The following CHRNA10 variants were observed in gnomAD, a reference collection of about 807,000 sequenced individuals.
CHRNA10 encodes cholinergic receptor nicotinic alpha 10 subunit.
In CHRNA10, 31 loss-of-function variants were observed where a neutral mutation model predicts 36.0. That is an observed-to-expected ratio of 0.86 (90% confidence interval 0.65 to 1.16). The LOEUF (loss-of-function observed/expected upper bound fraction) is 1.16. CHRNA10 is among the 50% of genes most tolerant of loss of function. CHRNA10 has a pLI of 0.00. For synonymous variants in CHRNA10, 302 were observed against 287.0 expected, an observed-to-expected ratio of 1.05 and a Z score of -0.53; for missense variants, 648 against 640.9, an observed-to-expected ratio of 1.01 and a Z score of -0.12.
rs759444353 is a variant in CHRNA10, at chr11:3,669,831, T to C, written c.172A>G (p.Thr58Ala). Residue 58 changes from threonine (T) to alanine (A), a missense_variant, in exon 2 of 5, where the codon ACC becomes GCC. Transcript: ENST00000250699. ...VADTDQTLNV[T>A]LEVTLSQIID... Reference sequence around the variant, plus strand: ...ATCTGGGACAGTGTCACCTCCAGGGTCACATTCAGAGTCTGGTCTGTGTCT... The same window carrying C: ...ATCTGGGACAGTGTCACCTCCAGGGCCACATTCAGAGTCTGGTCTGTGTCT... 6.2e-7 allele frequency: 1 copy of C among 1,614,066 alleles called. No individual in the cohort carries two copies. Among genetic ancestry groups the C allele is most frequent in the Non-Finnish European group, 8.5e-7 (1 of 1,180,006 alleles).
rs563761517 is a variant in CHRNA10 at position 3,669,516 on chromosome 11, TTC to T, written c.208-168_208-167del. Among the ~76,000 whole-genome samples the T allele has an allele frequency of 1.5e-3, 212 of 144,064 alleles. 3 individuals are homozygous for T. The highest frequency in any genetic ancestry group is 2.3e-4 in the Non-Finnish European group (15 of 65,812). 94.5% of individuals were successfully genotyped at this position (144,064 alleles called of 152,430 possible). ...CTTGCCATGTGACCTTAGTGGGCTC[TTC>T]TCTTTTCTGCCCCTGTTTCCTCAGC... On this transcript the variant is annotated intron_variant, in intron 2 of 4. Transcript: ENST00000250699.
In CHRNA10 at chr11:3,667,348, A is replaced by T; in HGVS notation, c.779T>A (p.Leu260Gln). 6.2e-7 allele frequency: 1 copy of T among 1,601,304 alleles called. No individual in the cohort carries two copies. Among genetic ancestry groups the T allele is most frequent in the Non-Finnish European group, 8.5e-7 (1 of 1,178,652 alleles). The change falls in exon 4 of 5, where the codon CTG becomes CAG. Residue 260 changes from leucine (L) to glutamine (Q), a missense_variant. Physicochemically the swap from Leu to Gln is moderately radical, Grantham distance 113. Coordinates refer to ENST00000250699, the MANE Select transcript of CHRNA10 (RefSeq NM_020402.4). ...ISLLAPLAFH[L>Q]PADSGEKVSL... is the part of the protein sequence containing the mutation. ...CACCTTCTCGCCTGAGTCGGCAGGC[A>T]GGTGGAAGGCGAGCGGCGCAAGCAG... is the stretch of plus-strand genomic sequence containing the variant.
At position 3,666,042 on chromosome 11, in the gene CHRNA10, G is replaced by A; in HGVS notation, c.*65C>T. The A allele has an allele frequency of 7.1e-7, 1 of 1,405,324 alleles. No individual in the cohort carries two copies. Among genetic ancestry groups the A allele is most frequent in the Non-Finnish European group, 9.5e-7 (1 of 1,054,866 alleles). 87.1% of individuals were successfully genotyped at this position (1,405,324 alleles called of 1,614,324 possible). A position where few individuals can be genotyped will look rare whatever the true frequency, so the allele number is the denominator to read the frequency against. ...TGGCCCAAAGACCAGCAACCACTTG[G>A]CCGTGGCTGTCCCTTTCTGGAGGAG... On this transcript the variant is annotated 3_prime_UTR_variant, in exon 5 of 5. Transcript: ENST00000250699.
At chr11:3,667,055 G>C (rs1210807316) in intron 4 of CHRNA10, among the ~76,000 whole-genome samples, 177 bp downstream of exon 4, 3 of 152,198 alleles carry the variant, frequency 2.0e-5, no homozygotes, top group Non-Finnish European at 4.4e-5. Flanking sequence ...CGTGAGGGGT[G>C]TTCTCCCTGG....
chr11:3,670,040 T>G (rs2077702846), intron 1 of CHRNA10, 99 bp from the exon 2 acceptor site: 2 of 1,340,394 alleles, frequency 1.5e-6, no homozygotes, highest in South Asian at 1.2e-5. Flanking sequence ...TCCTTATGAG[T>G]GTCCTCCTGG....
intron 3 of CHRNA10, chr11:3,668,546 T>C (rs1489507768): frequency 2.6e-5 from 4 of 152,146 alleles, no homozygotes; most frequent in African/African-American, 7.2e-5. Flanking sequence ...TGTTTTTTTT[T>C]CGTTAATTTG....
In CHRNA10 at chr11:3,669,230, G is replaced by C; in HGVS notation, c.328C>G (p.Leu110Val). 4 of 1,614,004 alleles carry C rather than the reference G, an allele frequency of 2.5e-6. No individual in the cohort carries two copies. The highest frequency in any genetic ancestry group is 2.5e-6 in the Non-Finnish European group (3 of 1,179,964). The change falls in exon 3 of 5, where the codon CTT becomes GTT. Residue 110 changes from leucine to valine, a missense_variant. Leu to Val is a conservative substitution (Grantham distance 32). Transcript: ENST00000250699. ...AGTACGATGTCTGGCCGCCACACAA[G>C]ACTGCTGGGGATGCGGATGGCATCC... ...GLDAIRIPSS[L>V]VWRPDIVLYN...
chr11:3,666,053 C>G lies in CHRNA10; in HGVS notation c.*54G>C, dbSNP rs1169539523. On this transcript the variant is annotated 3_prime_UTR_variant, in exon 5 of 5. Coordinates refer to ENST00000250699, the MANE Select transcript of CHRNA10 (RefSeq NM_020402.4). Reference sequence around the variant, plus strand: ...CCAGCAACCACTTGGCCGTGGCTGTCCCTTTCTGGAGGAGCTGTGGCTGCA... The same window carrying G: ...CCAGCAACCACTTGGCCGTGGCTGTGCCTTTCTGGAGGAGCTGTGGCTGCA... The G allele has an allele frequency of 1.4e-6, 2 of 1,462,662 alleles. No individual in the cohort carries two copies. Among genetic ancestry groups the G allele is most frequent in the East Asian group, 2.4e-5 (1 of 42,028 alleles). The allele number at this position is 1,462,662 out of a possible 1,614,324, so 90.6% of individuals were successfully genotyped here. A position where few individuals can be genotyped will look rare whatever the true frequency, so the allele number is the denominator to read the frequency against.
rs1426532778 is a variant in CHRNA10 at position 3,667,493 on chromosome 11, G to A, written c.634C>T (p.Arg212Cys). Residue 212 changes from arginine (R) to cysteine (C), a missense_variant, in exon 4 of 5, where the codon CGC (arginine) becomes TGC (cysteine). Transcript: ENST00000250699. ...GAGCAGCAGCCGTAGGTGAGCACGCGCCGCCGCGCCGGCATGCCCAGCACG... is the reference window on the plus strand; with the variant it reads ...GAGCAGCAGCCGTAGGTGAGCACGCACCGCCGCGCCGGCATGCCCAGCACG... ...WRVLGMPARR[R>C]VLTYGCCSEP... The A allele has an allele frequency of 8.9e-6, 14 of 1,581,216 alleles. No individual in the cohort carries two copies. Among genetic ancestry groups the A allele is most frequent in the South Asian group, 1.1e-5 (1 of 89,242 alleles).
chr11:3,667,411 T>C lies in CHRNA10; in HGVS notation c.716A>G (p.Tyr239Cys), dbSNP rs570947917. ...TLLLRRRAAA[Y>C]VCNLLLPCVL... ...GCAGGGCAGCAGCAGGTTGCACACG[T>C]AGGCGGCGGCGCGGCGGCGCAGCAG... Residue 239 changes from tyrosine (Y) to cysteine (C), a missense_variant, in exon 4 of 5, where the codon TAC (tyrosine) becomes TGC (cysteine). Tyr to Cys is a radical substitution (Grantham distance 194). Coordinates refer to ENST00000250699, the MANE Select transcript of CHRNA10 (RefSeq NM_020402.4). 2 of 1,598,850 alleles carry C rather than the reference T, an allele frequency of 1.3e-6. No homozygotes were observed. Among genetic ancestry groups the C allele is most frequent in the African/African-American group, 1.3e-5 (1 of 74,712 alleles).
Position 3,667,321 on chromosome 11 carries a change from G to A in CHRNA10, c.806C>T (p.Ser269Leu), listed in dbSNP as rs751774593. 1 of 1,599,660 alleles carries A rather than the reference G, an allele frequency of 6.3e-7. No individual in the cohort carries two copies. The highest frequency in any genetic ancestry group is 8.5e-7 in the Non-Finnish European group (1 of 1,178,170). The change falls in exon 4 of 5, where the codon TCG becomes TTG. Residue 269 changes from serine to leucine, a missense_variant. Transcript: ENST00000250699. The stretch of plus-strand genomic sequence containing the variant: ...CGCCAGCAGCACGGTGACGCCCAGC[G>A]ACACCTTCTCGCCTGAGTCGGCAGG... Reference protein sequence around the residue: ...HLPADSGEKVSLGVTVLLALT... With the variant: ...HLPADSGEKVLLGVTVLLALT...
chr11:3,667,745 C>G lies in CHRNA10; in HGVS notation c.382G>C (p.Gly128Arg), dbSNP rs778812493. Residue 128 changes from glycine to arginine, a missense_variant, in exon 4 of 5, where the codon GGT becomes CGT. By Grantham distance (125) the Gly-to-Arg change is moderately radical. Transcript: ENST00000250699. ...AGGACCACGTTGGTGCTGGCGGAACCTGGAGGCTGCGCGTCGGCTCTGGGG... is the reference window on the plus strand; with the variant it reads ...AGGACCACGTTGGTGCTGGCGGAACGTGGAGGCTGCGCGTCGGCTCTGGGG... ...LYNKADAQPP[G>R]SASTNVVLRH... 6.4e-7 allele frequency: 1 copy of G among 1,552,308 alleles called. No individual in the cohort carries two copies. The highest frequency in any genetic ancestry group is 1.8e-5 in the Admixed American group (1 of 54,950).
Position 3,669,842 on chromosome 11 carries a change from G to T in CHRNA10, c.161C>A (p.Thr54Asn). The T allele has an allele frequency of 6.2e-7, 1 of 1,614,168 alleles. No homozygotes were observed. The highest frequency in any genetic ancestry group is 8.5e-7 in the Non-Finnish European group (1 of 1,180,008). The change falls in exon 2 of 5, where the codon ACT becomes AAT. Residue 54 changes from threonine to asparagine, a missense_variant. Physicochemically the swap from Thr to Asn is moderately conservative, Grantham distance 65. Transcript: ENST00000250699. ...ALRPVADTDQ[T>N]LNVTLEVTLS... ...TGTCACCTCCAGGGTCACATTCAGA[G>T]TCTGGTCTGTGTCTGCCACAGGTCT...
chr11:3,667,211 C>T, intron 4 of CHRNA10, 21 bp downstream of exon 4: 1 of 1,539,500 alleles, frequency 6.5e-7, no homozygotes, highest in Non-Finnish European at 8.7e-7. Flanking sequence ...CGTCAGGTCC[C>T]CCCGCGCCCC....
chr11:3,669,756 A>C (rs777290204), intron 2 of CHRNA10, 40 bp downstream of exon 2: 40 of 1,611,756 alleles, frequency 2.5e-5, no homozygotes, highest in Non-Finnish European at 3.4e-5. Context: ...TGACACTGTG[A>C]CAGGTAAGAC....
At position 3,667,570 on chromosome 11, in the gene CHRNA10, G is replaced by A. The variant is rs758227414; in HGVS notation, c.557C>T (p.Pro186Leu). ...THGGHQLDVR[P>L]RGAAASLADF... ...CGCCAGGCTGGCTGCAGCGCCGCGC[G>A]GCCGCACATCCAGTTGGTGCCCGCC... Residue 186 changes from proline (P) to leucine (L), a missense_variant, in exon 4 of 5, where the codon CCG (proline) becomes CTG (leucine). Coordinates refer to ENST00000250699, the MANE Select transcript of CHRNA10 (RefSeq NM_020402.4). The A allele has an allele frequency of 6.4e-6, 10 of 1,558,976 alleles. No individual in the cohort carries two copies. The highest frequency in any genetic ancestry group is 4.8e-5 in the East Asian group (2 of 42,100).
At position 3,667,346 on chromosome 11, in the gene CHRNA10, G is replaced by GA; in HGVS notation, c.780_781insT (p.Pro261SerfsTer77). On this transcript the variant is annotated frameshift_variant, in exon 4 of 5. Coordinates refer to ENST00000250699, the MANE Select transcript of CHRNA10 (RefSeq NM_020402.4). LOFTEE classifies it high-confidence loss of function. ...GACACCTTCTCGCCTGAGTCGGCAG[G>GA]CAGGTGGAAGGCGAGCGGCGCAAGC... The GA allele has an allele frequency of 1.2e-6, 2 of 1,601,236 alleles. No individual in the cohort carries two copies. The highest frequency in any genetic ancestry group is 1.7e-6 in the Non-Finnish European group (2 of 1,178,668).
At chr11:3,670,026 C>T in intron 1 of CHRNA10, 85 bp from the exon 2 acceptor site, 1 of 1,497,492 alleles carries the variant, frequency 6.7e-7, no homozygotes, top group Non-Finnish European at 9.2e-7. Flanking sequence ...GGGCTGGGGC[C>T]CTGTCCTTAT....
Position 3,669,306 on chromosome 11 carries a change from C to T in CHRNA10, c.252G>A (p.Gln84=). Residue 84 remains glutamine, a synonymous_variant, in exon 3 of 5, where the codon CAG becomes CAA. Coordinates refer to ENST00000250699, the MANE Select transcript of CHRNA10 (RefSeq NM_020402.4). ...ATCGTAGGTAGGCATCTGTCCACTC[C>T]TGCCGTATCCACAGATACAGGGTCA... ...QVLTLYLWIR[Q]EWTDAYLRWD... is the part of the protein sequence containing the mutation. 6.2e-7 allele frequency: 1 copy of T among 1,614,096 alleles called. No homozygotes were observed. The highest frequency in any genetic ancestry group is 1.1e-5 in the South Asian group (1 of 91,080).
Sources: gnomAD v4.1 joint callset for allele counts (sites outside exome capture counted in the v4.1 genomes callset) on GRCh38, gnomAD v4.1.1 for gene constraint, MANE v1.5 for transcripts, NCBI Gene and HGNC (gene_info 2026-07-23, HGNC 2026-07-21) for gene names.